Variants in DGKD observed in about 807,000 individuals in gnomAD.
DGKD encodes diacylglycerol kinase delta, also known as DAG kinase delta.
Under a neutral mutation model 154.4 loss-of-function variants are expected in DGKD, and 68 were observed. The ratio of observed to expected loss-of-function variants is 0.44; its 90% CI spans 0.36 to 0.54. DGKD has a LOEUF of 0.54. DGKD is among the 20% of genes least tolerant of loss of function. The pLI is 0.00. For missense variants in DGKD, 1,343 were observed against 1,593.6 expected, an observed-to-expected ratio of 0.84 and a Z score of 2.68; for synonymous variants, 693 against 638.0, an observed-to-expected ratio of 1.09 and a Z score of -1.30.
chr2:233,458,890 G>A lies in DGKD; in HGVS notation c.2694+493G>A, dbSNP rs965705672. On this transcript the variant is annotated intron_variant, in intron 22 of 29. Coordinates refer to ENST00000264057, the MANE Select transcript of DGKD (RefSeq NM_152879.3). This position sits in a 1 kb window ranked among gnomAD's most constrained non-coding sequence, Gnocchi z 6.6. ...ATTACAGGTGTGAGCCACTGCACCC[G>A]GCCAAGATAACTCTTTCAAAATGTG... 3.3e-5 allele frequency among the ~76,000 whole-genome samples: 5 copies of A among 152,218 alleles called. No individual in the cohort carries two copies. Among genetic ancestry groups the A allele is most frequent in the East Asian group, 3.9e-4 (2 of 5,162 alleles).
intron 10 of DGKD, chr2:233,442,254 CA>C: frequency 1.6e-6 from 1 of 617,882 alleles, no homozygotes; most frequent in Non-Finnish European, 3.0e-6. Context: ...GAATTGCCCA[CA>C]AAGGACCCAC....
chr2:233,434,308 T>C, intron 3 of DGKD, 72 bp from the exon 4 acceptor site: 1 of 1,244,264 alleles, frequency 8.0e-7, no homozygotes, highest in Non-Finnish European at 1.2e-6. Context: ...GAGGTCGGTT[T>C]TAAGAAAGCG....
chr2:233,429,752 C>T (rs533060733), intron 3 of DGKD, among the ~76,000 whole-genome samples: 3 of 152,356 alleles, frequency 2.0e-5, no homozygotes, highest in Non-Finnish European at 4.4e-5. Context: ...CAGACGGCCC[C>T]TCCGGGCCTG....
chr2:233,360,016 A>G (rs1701708115), intron 1 of DGKD, among the ~76,000 whole-genome samples: 1 of 152,160 alleles, frequency 6.6e-6, no homozygotes, highest in Admixed American at 6.5e-5. Context: ...TGCTTCTGGC[A>G]GTGGTGAGCT....
chr2:233,415,956 T>C (rs1416856484), intron 3 of DGKD, among the ~76,000 whole-genome samples: 2 of 152,146 alleles, frequency 1.3e-5, no homozygotes, highest in Non-Finnish European at 2.9e-5. Flanking sequence ...CACCTTTTAC[T>C]GTAGACAATT....
At position 233,441,662 on chromosome 2, in the gene DGKD, G is replaced by GCCACGCCAA. The variant is rs1457877551; in HGVS notation, c.1086-224_1086-223insCACGCCAAC. Among the ~76,000 whole-genome samples the GCCACGCCAA allele has an allele frequency of 6.6e-6, 1 of 152,006 alleles. No individual in the cohort carries two copies. Among genetic ancestry groups the GCCACGCCAA allele is most frequent in the Non-Finnish European group, 1.5e-5 (1 of 67,968 alleles). On this transcript the variant is annotated intron_variant, in intron 9 of 29. Transcript: ENST00000264057. This position sits in a 1 kb window ranked among gnomAD's most constrained non-coding sequence, Gnocchi z 5.6. ...TGGTCTTGTCGCTGGGTGGGGCGTG[G>GCCACGCCAA]CTGGTGGGAGCAGTTGGCTGGACCC...
chr2:233,447,302 G>A (rs561979976), intron 12 of DGKD, among the ~76,000 whole-genome samples: 3 of 152,178 alleles, frequency 2.0e-5, no homozygotes, highest in Non-Finnish European at 4.4e-5. Context: ...TGTTACTGTT[G>A]TGTTTAACGC....
At chr2:233,464,331 C>G (rs775665594) in intron 27 of DGKD, 48 bp downstream of exon 27, 2 of 1,604,190 alleles carry the variant, frequency 1.2e-6, no homozygotes, top group East Asian at 2.2e-5. Context: ...CATGGTGGCT[C>G]TCGCCTGAAG....
At chr2:233,367,486 C>A (rs1235626465) in intron 1 of DGKD, among the ~76,000 whole-genome samples, 2 of 152,128 alleles carry the variant, frequency 1.3e-5, no homozygotes, top group African/African-American at 2.4e-5. Context: ...ACCTCGGCCT[C>A]CCAAAGTGTT....
Position 233,458,435 on chromosome 2 carries a change from C to T in DGKD, c.2694+38C>T, listed in dbSNP as rs1246193198. On this transcript the variant is annotated intron_variant, in intron 22 of 29. Coordinates refer to ENST00000264057, the MANE Select transcript of DGKD (RefSeq NM_152879.3). The surrounding 1 kb of genome is among the most constrained non-coding windows in gnomAD (Gnocchi z 6.6). ...GTCCTGGGGTGTCTGGCCGAGTCCC[C>T]AGCCCGGAGTGTGCTAAATTCTGGG... 2.6e-6 allele frequency: 4 copies of T among 1,522,474 alleles called. No individual in the cohort carries two copies. The allele number at this position is 1,522,474 out of a possible 1,614,324, so 94.3% of individuals were successfully genotyped here. A position where few individuals can be genotyped will look rare whatever the true frequency, so the allele number is the denominator to read the frequency against.
At chr2:233,394,636 C>CTT (rs772882457) in intron 3 of DGKD, among the ~76,000 whole-genome samples, 34 of 148,616 alleles carry the variant, frequency 2.3e-4, no homozygotes, top group Non-Finnish European at 4.5e-4. Flanking sequence ...ACCCCCCACC[C>CTT]TTTTCCATCC....
chr2:233,385,071 G>A (rs1298140335), intron 1 of DGKD, among the ~76,000 whole-genome samples: 1 of 152,304 alleles, frequency 6.6e-6, no homozygotes, highest in Non-Finnish European at 1.5e-5. Flanking sequence ...TGTCAGAGAG[G>A]GGGCAACCTC....
chr2:233,453,775 C>CCAG (rs1307443670), intron 18 of DGKD, among the ~76,000 whole-genome samples: 4 of 152,210 alleles, frequency 2.6e-5, no homozygotes, highest in Non-Finnish European at 4.4e-5. Context: ...CTGGGCTTTC[C>CCAG]CAGCAGCTGG....
chr2:233,439,573 GT>G (rs1384738062), intron 9 of DGKD, among the ~76,000 whole-genome samples: 1 of 152,162 alleles, frequency 6.6e-6, no homozygotes, highest in Non-Finnish European at 1.5e-5. Context: ...TAATTTTACT[GT>G]TTTTTGAGAC....
At chr2:233,448,231 T>C (rs1575142134) in intron 13 of DGKD, 45 bp from the exon 14 acceptor site, 1 of 1,613,946 alleles carries the variant, frequency 6.2e-7, no homozygotes, top group South Asian at 1.1e-5. Flanking sequence ...GCCCCCAGCC[T>C]GGAGCTGCCT....
intron 3 of DGKD, among the ~76,000 whole-genome samples, chr2:233,406,524 T>G (rs1050139205): frequency 2.6e-5 from 4 of 152,220 alleles, no homozygotes; most frequent in Admixed American, 2.6e-4. Flanking sequence ...CCACTGTGTC[T>G]CCTGTTGTTG....
At chr2:233,430,471 G>C (rs548779349) in intron 3 of DGKD, among the ~76,000 whole-genome samples, 251 of 152,304 alleles carry the variant, frequency 1.6e-3, no homozygotes, top group Non-Finnish European at 2.7e-3. Flanking sequence ...GTGGAGAAAA[G>C]TGTCCATGCT....
chr2:233,461,252 G>T (rs2124935931), intron 24 of DGKD, among the ~76,000 whole-genome samples: 1 of 152,358 alleles, frequency 6.6e-6, no homozygotes, highest in African/African-American at 2.4e-5. Flanking sequence ...GCTGGCTGGT[G>T]CCCTGGTGTC....
chr2:233,360,716 G>T (rs1178913771), intron 1 of DGKD, among the ~76,000 whole-genome samples: 1 of 152,178 alleles, frequency 6.6e-6, no homozygotes. Context: ...GTAAATCATC[G>T]TGAACTTAGG....
Sources: allele counts gnomAD v4.1 joint callset (sites outside exome capture counted in the v4.1 genomes callset), GRCh38; gene constraint gnomAD v4.1.1; non-coding constraint Gnocchi (gnomAD v3.1); transcripts MANE v1.5; gene names NCBI Gene and HGNC (gene_info 2026-07-23, HGNC 2026-07-21).